STAU2: variants seen among roughly 807,000 people sequenced by gnomAD.
The protein encoded by STAU2 is double-stranded RNA-binding protein Staufen homolog 2.
STAU2 carries 20 observed loss-of-function variants against 65.9 expected under a neutral mutation model. The ratio of observed to expected loss-of-function variants is 0.30; its 90% CI spans 0.21 to 0.44. The LOEUF (loss-of-function observed/expected upper bound fraction) is 0.44. Among genes scored for constraint, STAU2 ranks in the 20% least tolerant of loss-of-function variants. STAU2 has a pLI of 1.00. For synonymous variants in STAU2, 232 were observed against 233.9 expected (o/e 0.99, Z 0.07); for missense variants, 558 against 683.9 (o/e 0.82, Z 2.05).
chr8:73,510,845 C>A (rs1378235325), intron 13 of STAU2, among the ~76,000 whole-genome samples: 3 of 152,234 alleles, frequency 2.0e-5, no homozygotes, highest in African/African-American at 7.2e-5. Context: ...ATAGAAACTA[C>A]AATTAAAGAT....
At chr8:73,684,230 A>G (rs1194325565) in intron 5 of STAU2, among the ~76,000 whole-genome samples, 1 of 152,194 alleles carries the variant, frequency 6.6e-6, no homozygotes, top group East Asian at 1.9e-4. Context: ...TATAGTCTCC[A>G]AAACAGCACG....
At chr8:73,558,681 A>G (rs1235106051) in intron 12 of STAU2, among the ~76,000 whole-genome samples, 2 of 152,250 alleles carry the variant, frequency 1.3e-5, no homozygotes, top group African/African-American at 4.8e-5. Context: ...CCAGGCAGCA[A>G]GAAAGATAAT....
At chr8:73,644,653 C>T (rs765438959) in intron 6 of STAU2, among the ~76,000 whole-genome samples, 1 of 151,956 alleles carries the variant, frequency 6.6e-6, no homozygotes, top group Non-Finnish European at 1.5e-5. Context: ...AGCAATTAAA[C>T]AAAATCTTGG....
chr8:73,617,168 G>T, intron 7 of STAU2, 124 bp downstream of exon 7: 3 of 1,169,916 alleles, frequency 2.6e-6, no homozygotes, highest in Non-Finnish European at 2.3e-6. Flanking sequence ...AAGCAAGACT[G>T]TCAGGTCTTC....
At chr8:73,671,328 T>A (rs887656524) in intron 6 of STAU2, among the ~76,000 whole-genome samples, 3 of 151,446 alleles carry the variant, frequency 2.0e-5, no homozygotes, top group Admixed American at 2.0e-4. Flanking sequence ...TGCAGTGAGC[T>A]GAGACCACAC....
chr8:73,745,662 C>T (rs934578450), intron 1 of STAU2, among the ~76,000 whole-genome samples: 33 of 152,310 alleles, frequency 2.2e-4, no homozygotes, highest in African/African-American at 7.2e-4. Flanking sequence ...GCAGGATCCA[C>T]CCACTTTAAA....
chr8:73,627,884 T>C (rs1813806691), intron 6 of STAU2, among the ~76,000 whole-genome samples: 1 of 151,982 alleles, frequency 6.6e-6, no homozygotes, highest in Non-Finnish European at 1.5e-5. Flanking sequence ...TTATGTTCTC[T>C]AAGAGCCATC....
chr8:73,632,509 G>C (rs1285926615), intron 6 of STAU2, among the ~76,000 whole-genome samples: 1 of 152,122 alleles, frequency 6.6e-6, no homozygotes, highest in African/African-American at 2.4e-5. Context: ...AGTCACTCAA[G>C]AGAACAAAAA....
chr8:73,726,033 C>T (rs1217437591), intron 3 of STAU2, among the ~76,000 whole-genome samples: 5 of 146,380 alleles, frequency 3.4e-5, no homozygotes, highest in Non-Finnish European at 3.0e-5. Context: ...AATATTTCTT[C>T]TACTTTAGGT....
intron 13 of STAU2, among the ~76,000 whole-genome samples, chr8:73,524,788 T>C (rs1823255306): frequency 6.6e-6 from 1 of 152,236 alleles, no homozygotes. Flanking sequence ...ATTACAATTT[T>C]TCTTGCTTTA....
intron 1 of STAU2, among the ~76,000 whole-genome samples, chr8:73,741,304 C>CA (rs761906073): frequency 1.1e-3 from 125 of 112,004 alleles, no homozygotes; most frequent in Middle Eastern, 9.1e-3. Flanking sequence ...GACTCCGTCT[C>CA]AAAAAAAAAA....
intron 13 of STAU2, among the ~76,000 whole-genome samples, chr8:73,424,201 C>CTTTTTTTTTT (rs59063960): frequency 6.1e-5 from 7 of 115,306 alleles, no homozygotes; most frequent in African/African-American, 2.1e-4. Context: ...TCCTCTATGT[C>CTTTTTTTTTT]TTTTTTTTTT....
rs146997098 is a variant in STAU2, at chr8:73,540,073, G to A, written c.1530+11939C>T. On this transcript the variant is annotated intron_variant, in intron 13 of 14. Transcript: ENST00000524300. Reference sequence around the variant, plus strand: ...GATTAAAGGAAAAAAGAGATATACAGTGAGATGAACAGTGTACCCTAAAAG... The same window carrying A: ...GATTAAAGGAAAAAAGAGATATACAATGAGATGAACAGTGTACCCTAAAAG... Among the ~76,000 whole-genome samples, 782 of 152,216 alleles carry A rather than the reference G, an allele frequency of 5.1e-3. 4 individuals are homozygous for A. Among genetic ancestry groups the A allele is most frequent in the Non-Finnish European group, 8.5e-3 (580 of 68,018 alleles).
chr8:73,681,538 C>T (rs541982958), intron 5 of STAU2, among the ~76,000 whole-genome samples: 1 of 152,134 alleles, frequency 6.6e-6, no homozygotes, highest in East Asian at 1.9e-4. Context: ...TCTCACAGGG[C>T]CTATAAAACA....
chr8:73,734,523 C>T (rs1806293817), intron 3 of STAU2, among the ~76,000 whole-genome samples: 1 of 152,082 alleles, frequency 6.6e-6, no homozygotes, highest in Non-Finnish European at 1.5e-5. Context: ...AGGCCGGGCA[C>T]GGTGGCTCAC....
At chr8:73,635,424 A>G (rs1159405210) in intron 6 of STAU2, among the ~76,000 whole-genome samples, 1 of 152,116 alleles carries the variant, frequency 6.6e-6, no homozygotes, top group East Asian at 1.9e-4. Flanking sequence ...CATCTATTCC[A>G]TGTGAAATAG....
chr8:73,617,447 G>A lies in STAU2; in HGVS notation c.415C>T (p.His139Tyr), dbSNP rs1812909494. 1.2e-6 allele frequency: 2 copies of A among 1,611,882 alleles called. No individual in the cohort carries two copies. The highest frequency in any genetic ancestry group is 1.3e-5 in the African/African-American group (1 of 74,754). The stretch of plus-strand genomic sequence containing the variant: ...TAAAAGATCTTAGGCACTGGGCAAT[G>A]ATACCTAAAATAAGAAAATAAAAAC... Reference protein sequence around the residue: ...NFRGMYNQRYHCPVPKIFYVQ... With the variant: ...NFRGMYNQRYYCPVPKIFYVQ... Residue 139 changes from histidine (H) to tyrosine (Y), a missense_variant, in exon 7 of 15, where the codon CAT (histidine) becomes TAT (tyrosine). This residue lies in a region of STAU2 where 199 missense variants were observed against 299.5 expected (regional missense o/e 0.66). Transcript: ENST00000524300.
intron 13 of STAU2, among the ~76,000 whole-genome samples, chr8:73,425,167 T>A (rs963134531): frequency 6.6e-6 from 1 of 152,144 alleles, no homozygotes; most frequent in Non-Finnish European, 1.5e-5. Flanking sequence ...ACCCCCAGTA[T>A]CTCAGAATGG....
chr8:73,600,955 A>G (rs542897165), intron 10 of STAU2, among the ~76,000 whole-genome samples: 1 of 152,380 alleles, frequency 6.6e-6, no homozygotes, highest in Non-Finnish European at 1.5e-5. Context: ...AATAAACACA[A>G]TGGTCACTCA....
Sources: allele counts gnomAD v4.1 joint callset (sites outside exome capture counted in the v4.1 genomes callset), GRCh38; gene constraint gnomAD v4.1.1; regional missense constraint gnomAD v4.1.1; transcripts MANE v1.5; gene names NCBI Gene and HGNC (gene_info 2026-07-23, HGNC 2026-07-21).